The following MAN1A2 variants were observed in gnomAD, a reference collection of about 807,000 sequenced individuals.
The protein encoded by MAN1A2 is mannosyl-oligosaccharide 1,2-alpha-mannosidase IB.
A neutral mutation model predicts 75.7 loss-of-function variants in MAN1A2; 26 were observed. The observed-to-expected ratio is 0.34, with a 90% CI of 0.25 to 0.48. The LOEUF (loss-of-function observed/expected upper bound fraction) is 0.48, where lower values mean the gene tolerates loss of function less well. Ranked by LOEUF, MAN1A2 falls within the 20% of genes least tolerant of loss-of-function variation. The pLI, the probability that MAN1A2 is intolerant of heterozygous loss-of-function variation, is 0.99. For missense variants in MAN1A2, 562 were observed against 775.5 expected, an observed-to-expected ratio of 0.72 and a Z score of 3.27; for synonymous variants, 247 against 264.6, an observed-to-expected ratio of 0.93 and a Z score of 0.65.
intron 6 of MAN1A2, among the ~76,000 whole-genome samples, chr1:117,445,884 G>A (rs12723362): frequency 0.98 from 135,240 of 138,668 alleles, 65,970 homozygotes; most frequent in Non-Finnish European, 0.99. Context: ...CTGTGTGTGT[G>A]TATATATATA....
In MAN1A2 at chr1:117,527,520, T is replaced by A. The variant is rs1652061102; in HGVS notation, c.*4563T>A. 1 of 152,030 alleles carries A rather than the reference T, an allele frequency of 6.6e-6. No homozygotes were observed. Among genetic ancestry groups the A allele is most frequent in the African/African-American group, 2.4e-5 (1 of 41,424 alleles). The allele number at this position is 152,030 out of a possible 1,614,324, so 9.4% of individuals were successfully genotyped here. The stretch of plus-strand genomic sequence containing the variant: ...AACCTAAAGCTATAATATTTTGTTG[T>A]CTTGAAAGCAGATACACTCTTCCTG... On this transcript the variant is annotated 3_prime_UTR_variant, in exon 13 of 13. Transcript: ENST00000356554.
At chr1:117,402,833 G>A (rs566406330) in intron 2 of MAN1A2, among the ~76,000 whole-genome samples, 1 of 152,132 alleles carries the variant, frequency 6.6e-6, no homozygotes, top group African/African-American at 2.4e-5. Flanking sequence ...TGCTTCTAAA[G>A]AGCTAGCATT....
At chr1:117,401,772 A>G (rs2101753198) in intron 1 of MAN1A2, among the ~76,000 whole-genome samples, 1 of 152,304 alleles carries the variant, frequency 6.6e-6, no homozygotes. Context: ...GCTGTACTAT[A>G]TAAATGAAAA....
intron 1 of MAN1A2, among the ~76,000 whole-genome samples, chr1:117,371,084 C>G (rs1652948938): frequency 6.6e-6 from 1 of 152,124 alleles, no homozygotes; most frequent in Non-Finnish European, 1.5e-5. Flanking sequence ...GCAAAGCACT[C>G]AACATAGTTC....
In MAN1A2 at chr1:117,525,174, C is replaced by T. The variant is rs1252842911; in HGVS notation, c.*2217C>T. 4 of 519,070 alleles carry T rather than the reference C, an allele frequency of 7.7e-6. No homozygotes were observed. Among genetic ancestry groups the T allele is most frequent in the East Asian group, 5.6e-5 (1 of 17,950 alleles). 32.2% of individuals were successfully genotyped at this position (519,070 alleles called of 1,614,324 possible). On this transcript the variant is annotated 3_prime_UTR_variant, in exon 13 of 13. Transcript: ENST00000356554. ...CAGATGACTGAAGCTTAAGAGAAGG[C>T]AGGGAAGTATACAAGCAGAGCCAGT...
rs1250346597 is a variant in MAN1A2 at position 117,427,400 on chromosome 1, TGA to T, written c.855+6755_855+6756del. 4.6e-5 allele frequency among the ~76,000 whole-genome samples: 7 copies of T among 152,234 alleles called. No homozygotes were observed. In the East Asian group the frequency reaches 7.7e-4, roughly 17 times the overall value. ...ATGTTGACTGTTGTCATTGGAAGGG[TGA>T]GAGTCAGTGAACTTGTAGATAGATC... is the stretch of plus-strand genomic sequence containing the variant. On this transcript the variant is annotated intron_variant, in intron 5 of 12. Coordinates refer to ENST00000356554, the MANE Select transcript of MAN1A2 (RefSeq NM_006699.5).
At chr1:117,432,891 ATT>A (rs1042783675) in intron 5 of MAN1A2, among the ~76,000 whole-genome samples, 13 of 148,564 alleles carry the variant, frequency 8.8e-5, no homozygotes, top group Admixed American at 6.1e-4. Context: ...AGATATATAT[ATT>A]ATATATAAGA....
chr1:117,441,638 ATC>A (rs2101812612), intron 5 of MAN1A2, among the ~76,000 whole-genome samples: 1 of 152,286 alleles, frequency 6.6e-6, no homozygotes, highest in East Asian at 1.9e-4. Flanking sequence ...AAATTTTACT[ATC>A]TATATGATTT....
Position 117,496,778 on chromosome 1 carries a change from C to A in MAN1A2, c.1300C>A (p.Leu434Ile). 6.2e-7 allele frequency: 1 copy of A among 1,610,650 alleles called. No individual in the cohort carries two copies. The highest frequency in any genetic ancestry group is 8.5e-7 in the Non-Finnish European group (1 of 1,178,030). ...DDAIEAIEKH[L>I]IKKSRGGLTF... ...TTTCCTGTAGGCTATAGAAAAACAT[C>A]TTATTAAGAAGTCTCGTGGAGGTCT... The change falls in exon 10 of 13, where the codon CTT becomes ATT. Residue 434 changes from leucine to isoleucine, a missense_variant. By Grantham distance (5) the Leu-to-Ile change is conservative. Around this residue, in one of 2 missense-constraint regions of MAN1A2, gnomAD observed 434 missense variants for 645.7 expected, o/e 0.67. Transcript: ENST00000356554.
intron 5 of MAN1A2, among the ~76,000 whole-genome samples, chr1:117,424,434 G>A (rs1218962890): frequency 1.3e-5 from 2 of 152,162 alleles, no homozygotes; most frequent in Non-Finnish European, 2.9e-5. Context: ...CTGTTGGTCT[G>A]CTCCTTTAAC....
chr1:117,458,502 TATATATATAGA>T (rs1649680901), intron 6 of MAN1A2, among the ~76,000 whole-genome samples: 1 of 106,094 alleles, frequency 9.4e-6, no homozygotes, highest in Non-Finnish European at 1.9e-5. Context: ...TATATCTATA[TATATATATAGA>T]TATATATATA....
intron 5 of MAN1A2, among the ~76,000 whole-genome samples, chr1:117,428,268 C>T (rs1158163033): frequency 6.6e-6 from 1 of 152,004 alleles, no homozygotes; most frequent in South Asian, 2.1e-4. Flanking sequence ...GTGCACGCCA[C>T]CATGCTTGGC....
intron 5 of MAN1A2, among the ~76,000 whole-genome samples, chr1:117,429,436 ACCC>A (rs1224217592): frequency 1.3e-5 from 1 of 76,164 alleles, no homozygotes; most frequent in Non-Finnish European, 2.6e-5. Flanking sequence ...AGGGGGGCTG[ACCC>A]CCCCCACCTC....
intron 6 of MAN1A2, among the ~76,000 whole-genome samples, chr1:117,452,591 G>A (rs1383163528): frequency 1.3e-5 from 2 of 152,216 alleles, no homozygotes. Flanking sequence ...AAAGCCTAAT[G>A]CAGAGCAAGG....
intron 2 of MAN1A2, 43 bp from the exon 3 acceptor site, chr1:117,405,506 G>A: frequency 8.1e-7 from 1 of 1,234,310 alleles, no homozygotes; most frequent in Non-Finnish European, 1.2e-6. Flanking sequence ...AAAACAGTTT[G>A]TGAAAAATTT....
At chr1:117,379,820 C>A (rs549518049) in intron 1 of MAN1A2, among the ~76,000 whole-genome samples, 1 of 152,084 alleles carries the variant, frequency 6.6e-6, no homozygotes, top group South Asian at 2.1e-4. Flanking sequence ...ATTAGCACTT[C>A]ATTTCTTTTT....
chr1:117,446,657 G>C (rs1483953479), intron 6 of MAN1A2, among the ~76,000 whole-genome samples: 1 of 151,770 alleles, frequency 6.6e-6, no homozygotes, highest in African/African-American at 2.4e-5. Context: ...ATTACAATTT[G>C]AATCCTTTCA....
chr1:117,401,814 T>G (rs917436870), intron 1 of MAN1A2, among the ~76,000 whole-genome samples: 4 of 149,812 alleles, frequency 2.7e-5, no homozygotes, highest in African/African-American at 1.0e-4. Flanking sequence ...TCCTCTTATT[T>G]TTTTCTTTGG....
chr1:117,511,348 C>CTTGT, intron 12 of MAN1A2, among the ~76,000 whole-genome samples: 1 of 152,014 alleles, frequency 6.6e-6, no homozygotes, highest in South Asian at 2.1e-4. Flanking sequence ...GTGTGGTGTT[C>CTTGT]TTGTTTGGTA....
Sources: gnomAD v4.1 joint callset for allele counts (sites outside exome capture counted in the v4.1 genomes callset) on GRCh38, gnomAD v4.1.1 for gene constraint, gnomAD v4.1.1 regional missense constraint, MANE v1.5 for transcripts, NCBI Gene and HGNC (gene_info 2026-07-23, HGNC 2026-07-21) for gene names.